Variants in UQCRC2 observed in about 807,000 individuals in gnomAD.
The protein encoded by UQCRC2 is cytochrome b-c1 complex subunit 2, mitochondrial.
A neutral mutation model predicts 55.6 loss-of-function variants in UQCRC2; 49 were observed. The ratio of observed to expected loss-of-function variants is 0.88; its 90% CI spans 0.70 to 1.12. The LOEUF (loss-of-function observed/expected upper bound fraction) is 1.12, where lower values mean the gene tolerates loss of function less well. UQCRC2 is among the 50% of genes most tolerant of loss of function. UQCRC2 has a pLI of 0.00. For missense variants in UQCRC2, 506 were observed against 547.8 expected, an observed-to-expected ratio of 0.92 and a Z score of 0.76; for synonymous variants, 193 against 192.0, an observed-to-expected ratio of 1.01 and a Z score of -0.04.
chr16:21,983,299 C>T lies in UQCRC2; in HGVS notation c.*128C>T, dbSNP rs890156653. 1 of 754,754 alleles carries T rather than the reference C, an allele frequency of 1.3e-6. No homozygotes were observed. Among genetic ancestry groups the T allele is most frequent in the Non-Finnish European group, 2.1e-6 (1 of 473,948 alleles). 46.8% of individuals were successfully genotyped at this position (754,754 alleles called of 1,614,324 possible). A position where few individuals can be genotyped will look rare whatever the true frequency, so the allele number is the denominator to read the frequency against. Reference sequence around the variant, plus strand: ...AGTGAGGTAAAATAAGGCATAAATGCAGGTAATTATTCCCAGCTGACCTAA... The same window carrying T: ...AGTGAGGTAAAATAAGGCATAAATGTAGGTAATTATTCCCAGCTGACCTAA... On this transcript the variant is annotated 3_prime_UTR_variant, in exon 14 of 14. Transcript: ENST00000268379.
At chr16:21,961,368 A>AT in intron 4 of UQCRC2, 2 of 440,622 alleles carry the variant, frequency 4.5e-6, no homozygotes, top group Non-Finnish European at 9.2e-6. Context: ...TGAGACCACT[A>AT]TACAGCCATT....
intron 3 of UQCRC2, 107 bp downstream of exon 3, chr16:21,957,673 C>T (rs2141926450): frequency 6.8e-7 from 1 of 1,461,368 alleles, no homozygotes; most frequent in African/African-American, 1.4e-5. Context: ...CTTGACCTGC[C>T]ATAACAAATT....
rs1898237637 is a variant in UQCRC2 at position 21,962,823 on chromosome 16, T to C, written c.452T>C (p.Val151Ala). The C allele has an allele frequency of 1.2e-6, 2 of 1,614,154 alleles. No homozygotes were observed. The highest frequency in any genetic ancestry group is 1.3e-5 in the African/African-American group (1 of 75,048). The change falls in exon 6 of 14, where the codon GTA (valine) becomes GCA (alanine). Residue 151 changes from valine to alanine, a missense_variant. Coordinates refer to ENST00000268379, the MANE Select transcript of UQCRC2 (RefSeq NM_003366.4). ...GCACCAGAATTTCGTCGTTGGGAAGTAGCTGACCTTCAGCCTCAGCTAAAG... is the reference window on the plus strand; with the variant it reads ...GCACCAGAATTTCGTCGTTGGGAAGCAGCTGACCTTCAGCCTCAGCTAAAG... ...TTAPEFRRWE[V>A]ADLQPQLKID... is the part of the protein sequence containing the mutation.
intron 1 of UQCRC2, 149 bp downstream of exon 1, chr16:21,953,605 G>A (rs866654092): frequency 1.9e-6 from 2 of 1,039,606 alleles, no homozygotes; most frequent in Middle Eastern, 3.2e-4. Flanking sequence ...CTGCAGACTG[G>A]GTCAGGCTTT....
chr16:21,980,189 G>T, intron 12 of UQCRC2: 1 of 227,910 alleles, frequency 4.4e-6, no homozygotes, highest in Non-Finnish European at 9.0e-6. Context: ...ACTGGCCAGT[G>T]ACATGCAGAG....
intron 12 of UQCRC2, among the ~76,000 whole-genome samples, chr16:21,977,278 C>T (rs765300429): frequency 9.9e-5 from 15 of 151,904 alleles, no homozygotes; most frequent in Non-Finnish European, 1.3e-4. Context: ...TGCTTGAGCC[C>T]ACGAGTTTGA....
At chr16:21,962,353 T>A (rs1257272137) in intron 4 of UQCRC2, 107 bp from the exon 5 acceptor site, 2 of 1,373,078 alleles carry the variant, frequency 1.5e-6, no homozygotes, top group Non-Finnish European at 2.0e-6. Flanking sequence ...TCGCACCTTT[T>A]ATACTTCAGA....
chr16:21,958,438 CTT>C, intron 3 of UQCRC2, 95 bp from the exon 4 acceptor site: 1 of 1,079,460 alleles, frequency 9.3e-7, no homozygotes, highest in Non-Finnish European at 1.4e-6. Context: ...TAGTAAAATT[CTT>C]TTTAAATCTG....
In UQCRC2 at chr16:21,962,573, C is replaced by G. The variant is rs117356220; in HGVS notation, c.389+57C>G. 14,939 of 1,610,556 alleles carry G rather than the reference C, an allele frequency of 9.3e-3. 101 individuals are homozygous for G. The highest frequency in any genetic ancestry group is 0.012 in the Non-Finnish European group (13,813 of 1,177,032). The stretch of plus-strand genomic sequence containing the variant: ...TTTGAAAGAAATACTAAGCTGCTCA[C>G]TTCTGGTCTTTGTAATGCGTCATTA... On this transcript the variant is annotated intron_variant, in intron 5 of 13. Coordinates refer to ENST00000268379, the MANE Select transcript of UQCRC2 (RefSeq NM_003366.4).
intron 11 of UQCRC2, among the ~76,000 whole-genome samples, chr16:21,974,975 A>C (rs1430421154): frequency 6.6e-6 from 1 of 152,236 alleles, no homozygotes; most frequent in East Asian, 1.9e-4. Context: ...ATAGTGAGGT[A>C]CACAAAAAGT....
rs774457277 is a variant in UQCRC2, at chr16:21,962,776, G to C, written c.405G>C (p.Glu135Asp). Reference sequence around the variant, plus strand: ...TCTTCTGTAGTGATATTCTAATGGAGTTCCTGCTCAATGTCACCACAGCAC... The same window carrying C: ...TCTTCTGTAGTGATATTCTAATGGACTTCCTGCTCAATGTCACCACAGCAC... ...CLRGDVDILM[E>D]FLLNVTTAPE... Residue 135 changes from glutamate to aspartate, a missense_variant, in exon 6 of 14, where the codon GAG (glutamate) becomes GAC (aspartate). By Grantham distance (45) the Glu-to-Asp change is conservative. Transcript: ENST00000268379. 6.2e-6 allele frequency: 10 copies of C among 1,614,070 alleles called. No individual in the cohort carries two copies. In the East Asian group the frequency reaches 2.0e-4, roughly 32 times the overall value.
At chr16:21,969,456 C>G (rs543744716) in intron 8 of UQCRC2, among the ~76,000 whole-genome samples, 5 of 152,144 alleles carry the variant, frequency 3.3e-5, no homozygotes, top group Non-Finnish European at 7.4e-5. Flanking sequence ...CGCTTGAACC[C>G]AGGAGGCAGT....
chr16:21,957,595 G>A, intron 3 of UQCRC2, 29 bp downstream of exon 3: 3 of 1,608,910 alleles, frequency 1.9e-6, no homozygotes, highest in Non-Finnish European at 2.5e-6. Context: ...TCAAGTGTTT[G>A]GAAATGCTGT....
intron 12 of UQCRC2, chr16:21,976,751 A>G (rs925705274): frequency 3.3e-5 from 5 of 152,286 alleles, no homozygotes; most frequent in African/African-American, 9.6e-5. Flanking sequence ...CCATCTGTAT[A>G]CTTTTTTATC....
intron 12 of UQCRC2, among the ~76,000 whole-genome samples, chr16:21,980,000 G>A (rs991672777): frequency 2.6e-5 from 4 of 152,186 alleles, no homozygotes; most frequent in African/African-American, 9.7e-5. Context: ...TTGCCCAGCT[G>A]CAGGCTATTG....
At chr16:21,965,157 A>G (rs1898295150) in intron 6 of UQCRC2, among the ~76,000 whole-genome samples, 1 of 152,236 alleles carries the variant, frequency 6.6e-6, no homozygotes, top group African/African-American at 2.4e-5. Flanking sequence ...TTAAAGTTAG[A>G]AAAGTGGTTT....
intron 11 of UQCRC2, 97 bp downstream of exon 11, chr16:21,974,073 A>C (rs1898525983): frequency 9.1e-7 from 1 of 1,104,480 alleles, no homozygotes; most frequent in Admixed American, 2.3e-5. Context: ...GTTTGAATGC[A>C]GTGCAATGAC....
At chr16:21,969,639 A>G (rs1230575736) in intron 8 of UQCRC2, among the ~76,000 whole-genome samples, 1 of 152,104 alleles carries the variant, frequency 6.6e-6, no homozygotes, top group Non-Finnish European at 1.5e-5. Flanking sequence ...TGAGAATATC[A>G]TTTGTAATAT....
At chr16:21,962,434 T>A in intron 4 of UQCRC2, 26 bp from the exon 5 acceptor site, 1 of 1,613,550 alleles carries the variant, frequency 6.2e-7, no homozygotes, top group East Asian at 2.2e-5. Flanking sequence ...TTCAGATGAT[T>A]TACTCTAGTT....
Sources: gnomAD v4.1 joint callset for allele counts (sites outside exome capture counted in the v4.1 genomes callset) on GRCh38, gnomAD v4.1.1 for gene constraint, MANE v1.5 for transcripts, NCBI Gene and HGNC (gene_info 2026-07-23, HGNC 2026-07-21) for gene names.